Variants in SLC1A2 observed in about 807,000 individuals in gnomAD.
SLC1A2 encodes the protein excitatory amino acid transporter 2.
A neutral mutation model predicts 48.8 loss-of-function variants in SLC1A2; 15 were observed. The observed-to-expected ratio is 0.31, with a 90% confidence interval of 0.21 to 0.47. The LOEUF (loss-of-function observed/expected upper bound fraction) is 0.47, where lower values mean the gene tolerates loss of function less well. SLC1A2 is among the 20% of genes least tolerant of loss of function. SLC1A2 has a pLI of 0.99. For synonymous variants in SLC1A2, 279 were observed against 272.6 expected (o/e 1.02, Z -0.23); for missense variants, 502 against 730.5 (o/e 0.69, Z 3.61).
chr11:35,276,370 T>A (rs903506668), intron 9 of SLC1A2, among the ~76,000 whole-genome samples: 20 of 152,186 alleles, frequency 1.3e-4, no homozygotes, highest in African/African-American at 4.6e-4. Flanking sequence ...ATTTGCTCCT[T>A]TCTTCCCAGC....
At chr11:35,394,278 C>T (rs1854882205) in intron 1 of SLC1A2, among the ~76,000 whole-genome samples, 2 of 152,068 alleles carry the variant, frequency 1.3e-5, no homozygotes, top group African/African-American at 4.8e-5. Context: ...GGATCAAAGA[C>T]ACATCAAAAC....
chr11:35,273,312 A>G (rs1850337375), intron 9 of SLC1A2, among the ~76,000 whole-genome samples: 4 of 152,194 alleles, frequency 2.6e-5, no homozygotes, highest in Admixed American at 2.6e-4. Context: ...TTAGGGAAGA[A>G]AAGGAGATCC....
Position 35,257,164 on chromosome 11 carries a change from A to G in SLC1A2, c.*3730T>C, listed in dbSNP as rs1044028063. The G allele has an allele frequency of 6.6e-6, 1 of 152,182 alleles. No homozygotes were observed. The highest frequency in any genetic ancestry group is 2.4e-5 in the African/African-American group (1 of 41,456). The allele number at this position is 152,182 out of a possible 1,614,324, so 9.4% of individuals were successfully genotyped here. On this transcript the variant is annotated 3_prime_UTR_variant, in exon 11 of 11. Transcript: ENST00000278379. ...GACTAGATACATATGCAAATGATGT[A>G]TTTCTCCACACACAAGTGGAAATGA... is the stretch of plus-strand genomic sequence containing the variant.
intron 1 of SLC1A2, among the ~76,000 whole-genome samples, chr11:35,396,884 A>C (rs1221247376): frequency 1.3e-5 from 2 of 151,924 alleles, no homozygotes; most frequent in African/African-American, 2.4e-5. Context: ...TACACCAACA[A>C]CACACAAACA....
chr11:35,264,526 T>G (rs1355466402), intron 10 of SLC1A2, among the ~76,000 whole-genome samples: 1 of 152,210 alleles, frequency 6.6e-6, no homozygotes, highest in Admixed American at 6.5e-5. Context: ...ACTCTGACTT[T>G]GACAATGTCA....
At position 35,251,367 on chromosome 11, in the gene SLC1A2, A is replaced by C. The variant is rs1026647144; in HGVS notation, c.*9527T>G. ...GTCCACATTGTAAGAAAGCTTAGAA[A>C]GCTAAAGGCGAAAACAAAAGACCTC... On this transcript the variant is annotated 3_prime_UTR_variant, in exon 11 of 11. Transcript: ENST00000278379. 14 of 152,786 alleles carry C rather than the reference A, an allele frequency of 9.2e-5. No individual in the cohort carries two copies. The highest frequency in any genetic ancestry group is 3.4e-4 in the African/African-American group (14 of 41,592). The allele number at this position is 152,786 out of a possible 1,614,324, so 9.5% of individuals were successfully genotyped here. A position where few individuals can be genotyped will look rare whatever the true frequency, so the allele number is the denominator to read the frequency against.
In SLC1A2 at chr11:35,256,048, A is replaced by G. The variant is rs950933798; in HGVS notation, c.*4846T>C. The G allele has an allele frequency of 6.6e-6, 1 of 152,224 alleles. No individual in the cohort carries two copies. Among genetic ancestry groups the G allele is most frequent in the Non-Finnish European group, 1.5e-5 (1 of 68,040 alleles). The allele number at this position is 152,224 out of a possible 1,614,324, so 9.4% of individuals were successfully genotyped here. ...GCAGAGATCATAATACATTGGGCTC[A>G]TAGGGCTGGAAGGGGATTTTAGTCA... On this transcript the variant is annotated 3_prime_UTR_variant, in exon 11 of 11. Transcript: ENST00000278379.
At chr11:35,316,592 G>A (rs953274037) in intron 2 of SLC1A2, 8 of 152,356 alleles carry the variant, frequency 5.3e-5, no homozygotes, top group Non-Finnish European at 1.2e-4. Flanking sequence ...GAGGGGTTCA[G>A]GTAGGTGTGT....
intron 9 of SLC1A2, among the ~76,000 whole-genome samples, chr11:35,276,423 A>C (rs192487986): frequency 6.6e-6 from 1 of 151,828 alleles, no homozygotes; most frequent in Non-Finnish European, 1.5e-5. Context: ...TTTCATCAAC[A>C]TAGTTAATCC....
At position 35,392,999 on chromosome 11, in the gene SLC1A2, C is replaced by T. The variant is rs182439714; in HGVS notation, c.17+25951G>A. ...AATGACAGATGACTATCGTTACAAC[C>T]GTCCAAGATAGGTGCTATCATACCT... On this transcript the variant is annotated intron_variant, in intron 1 of 10. Coordinates refer to ENST00000278379, the MANE Select transcript of SLC1A2 (RefSeq NM_004171.4). 2.9e-3 allele frequency among the ~76,000 whole-genome samples: 434 copies of T among 152,266 alleles called. 3 individuals are homozygous for T. The highest frequency in any genetic ancestry group is 7.8e-3 in the Admixed American group (119 of 15,294).
At position 35,286,961 on chromosome 11, in the gene SLC1A2, AAG is replaced by A. The variant is rs1187596124; in HGVS notation, c.1092-12_1092-11del. On this transcript the variant is annotated splice_polypyrimidine_tract_variant and intron_variant, in intron 7 of 10. Transcript: ENST00000278379. Reference sequence around the variant, plus strand: ...AGGCAAAGTTCCAGCACTGAGAACAAAGAGAAAGAGAGAGACAGGGTTATGTC... The same window carrying A: ...AGGCAAAGTTCCAGCACTGAGAACAAAGAAAGAGAGAGACAGGGTTATGTC... 1.9e-6 allele frequency: 3 copies of A among 1,611,352 alleles called. No homozygotes were observed. The highest frequency in any genetic ancestry group is 2.5e-6 in the Non-Finnish European group (3 of 1,177,648).
chr11:35,357,679 C>T (rs1853529555), intron 1 of SLC1A2, among the ~76,000 whole-genome samples: 1 of 152,120 alleles, frequency 6.6e-6, no homozygotes, highest in Admixed American at 6.6e-5. Flanking sequence ...AATTCCTTAC[C>T]CATATTCTCA....
chr11:35,370,390 A>C (rs1854015795), intron 1 of SLC1A2, among the ~76,000 whole-genome samples: 1 of 152,182 alleles, frequency 6.6e-6, no homozygotes. Context: ...GCACATTGTC[A>C]GTGCCGGGCT....
At chr11:35,378,873 G>T (rs1471959250) in intron 1 of SLC1A2, among the ~76,000 whole-genome samples, 1 of 152,312 alleles carries the variant, frequency 6.6e-6, no homozygotes, top group Non-Finnish European at 1.5e-5. Flanking sequence ...TCATGGAAGG[G>T]GAAGGAGAAG....
In SLC1A2 at chr11:35,296,389, A is replaced by T. The variant is rs80262937; in HGVS notation, c.858-3869T>A. 5.0e-4 allele frequency among the ~76,000 whole-genome samples: 76 copies of T among 152,328 alleles called. 2 individuals carry two copies. The East Asian group carries it at 0.013, about 27-fold the overall frequency. ...GTATCACAAATCTTCATCTTTCCCA[A>T]TCCATTTAGGGATAGGAGTTCCAGC... On this transcript the variant is annotated intron_variant, in intron 6 of 10. Coordinates refer to ENST00000278379, the MANE Select transcript of SLC1A2 (RefSeq NM_004171.4).
rs148798506 is a variant in SLC1A2, at chr11:35,286,864, T to C, written c.1179A>G (p.Gly393=). 4.0e-4 allele frequency: 646 copies of C among 1,614,046 alleles called. 8 individuals are homozygous for C. The East Asian group carries it at 0.013, about 31-fold the overall frequency. Reference sequence around the variant, plus strand: ...CTGTACCATCCATGTTAATGGTTGCTCCAACAGGAAGGACGAATCTAGTCA... The same window carrying C: ...CTGTACCATCCATGTTAATGGTTGCCCCAACAGGAAGGACGAATCTAGTCA... ...KRVTRFVLPV[G]ATINMDGTAL... The change falls in exon 8 of 11, where the codon GGA becomes GGG. Residue 393 remains glycine, a synonymous_variant. Transcript: ENST00000278379.
At chr11:35,357,518 C>G (rs1004511560) in intron 1 of SLC1A2, among the ~76,000 whole-genome samples, 1 of 152,130 alleles carries the variant, frequency 6.6e-6, no homozygotes, top group African/African-American at 2.4e-5. Flanking sequence ...GGAACAATCT[C>G]TAAGTAAAAT....
At chr11:35,344,826 C>T (rs113472620) in intron 1 of SLC1A2, among the ~76,000 whole-genome samples, 6 of 152,324 alleles carry the variant, frequency 3.9e-5, no homozygotes, top group African/African-American at 1.4e-4. Flanking sequence ...AATCTTCGGC[C>T]TGCTCACTCA....
intron 1 of SLC1A2, among the ~76,000 whole-genome samples, chr11:35,376,665 T>C (rs931651383): frequency 1.3e-4 from 20 of 152,246 alleles, no homozygotes; most frequent in Admixed American, 1.0e-3. Context: ...ATGTGAATAA[T>C]TACTCATCTT....
Sources: gnomAD v4.1 joint callset for allele counts (sites outside exome capture counted in the v4.1 genomes callset) on GRCh38, gnomAD v4.1.1 for gene constraint, MANE v1.5 for transcripts, NCBI Gene and HGNC (gene_info 2026-07-23, HGNC 2026-07-21) for gene names.